Variants in RC3H1 observed in about 807,000 individuals in gnomAD.
The protein encoded by RC3H1 is ring finger and CCCH-type domains 1.
In RC3H1, 50 loss-of-function variants were observed where a neutral mutation model predicts 138.2. The ratio of observed to expected loss-of-function variants is 0.36; its 90% CI spans 0.29 to 0.46. The LOEUF is 0.46. RC3H1 is among the 20% of genes least tolerant of loss of function. RC3H1 has a pLI of 1.00. For synonymous variants in RC3H1, 462 were observed against 489.1 expected, an observed-to-expected ratio of 0.94 and a Z score of 0.73; for missense variants, 1,031 against 1,388.1, an observed-to-expected ratio of 0.74 and a Z score of 4.09.
chr1:174,019,752 G>C (rs1661924140), intron 1 of RC3H1, among the ~76,000 whole-genome samples: 2 of 151,996 alleles, frequency 1.3e-5, no homozygotes, highest in African/African-American at 2.4e-5. Flanking sequence ...TACTGAAGAA[G>C]GGACAGTTGA....
intron 14 of RC3H1, among the ~76,000 whole-genome samples, chr1:173,951,780 C>CT (rs1159326446): frequency 1.3e-5 from 2 of 152,034 alleles, no homozygotes; most frequent in African/African-American, 4.8e-5. Flanking sequence ...AATAAATGCT[C>CT]TGTCTCGGTA....
chr1:173,941,405 C>A, intron 18 of RC3H1, 25 bp from the exon 19 acceptor site: 2 of 1,425,478 alleles, frequency 1.4e-6, no homozygotes, highest in South Asian at 2.3e-5. Context: ...GAAATAAAAT[C>A]AGTTATCATC....
At chr1:173,968,277 A>G (rs12066153) in intron 9 of RC3H1, among the ~76,000 whole-genome samples, 62,699 of 152,088 alleles carry the variant, frequency 0.41, 17,689 homozygotes, top group African/African-American at 0.8. Context: ...TTCTTTACAA[A>G]TGAATTTTTG....
rs1327314101 is a variant in RC3H1 at position 173,937,866 on chromosome 1, C to T, written c.*855G>A. On this transcript the variant is annotated 3_prime_UTR_variant, in exon 20 of 20. Transcript: ENST00000367696. ...TTTCCAACCATGAGCTGAACGCAGG[C>T]GAAACACCAAACATGTATTTTCAGT... 2.6e-5 allele frequency: 4 copies of T among 152,202 alleles called. No homozygotes were observed. The highest frequency in any genetic ancestry group is 3.4e-3 in the Middle Eastern group (1 of 294). The allele number at this position is 152,202 out of a possible 1,614,324, so 9.4% of individuals were successfully genotyped here.
chr1:173,947,274 A>G lies in RC3H1; in HGVS notation c.2737+95T>C, dbSNP rs889468155. On this transcript the variant is annotated intron_variant, in intron 15 of 19. Transcript: ENST00000367696. Reference sequence around the variant, plus strand: ...AGTTTGAAAATTACTGCCTTGCAAGATTACTAAAAACACTGATAGTAAATG... The same window carrying G: ...AGTTTGAAAATTACTGCCTTGCAAGGTTACTAAAAACACTGATAGTAAATG... 8.4e-6 allele frequency: 7 copies of G among 835,042 alleles called. No individual in the cohort carries two copies. The African/African-American group carries it at 1.2e-4, about 14-fold the overall frequency. The allele number at this position is 835,042 out of a possible 1,614,324, so 51.7% of individuals were successfully genotyped here.
Position 173,958,524 on chromosome 1 carries a change from C to T in RC3H1, c.2370+2553G>A, listed in dbSNP as rs982284406. ...TCGCACCACTGCACTCCAGCCTGGG[C>T]GACAGAGCAAGACTCTGTCTCACAA... On this transcript the variant is annotated intron_variant, in intron 13 of 19. Coordinates refer to ENST00000367696, the MANE Select transcript of RC3H1 (RefSeq NM_172071.4). Among the ~76,000 whole-genome samples the T allele has an allele frequency of 5.3e-4, 80 of 150,658 alleles. 1 individual carries two copies. The highest frequency in any genetic ancestry group is 1.7e-3 in the African/African-American group (71 of 40,980).
rs1439164555 is a variant in RC3H1, at chr1:173,935,721, C to G, written c.*3000G>C. 1 of 151,854 alleles carries G rather than the reference C, an allele frequency of 6.6e-6. No homozygotes were observed. Among genetic ancestry groups the G allele is most frequent in the East Asian group, 1.9e-4 (1 of 5,196 alleles). 9.4% of individuals were successfully genotyped at this position (151,854 alleles called of 1,614,324 possible). A position where few individuals can be genotyped will look rare whatever the true frequency, so the allele number is the denominator to read the frequency against. On this transcript the variant is annotated 3_prime_UTR_variant, in exon 20 of 20. Transcript: ENST00000367696. ...CAGAGAAAAGGAAAAGGAAAAAAAG[C>G]AAAAAACAAAAAACAAATTTTGGGG...
intron 1 of RC3H1, among the ~76,000 whole-genome samples, chr1:173,998,663 T>G (rs1395008795): frequency 6.6e-6 from 1 of 152,208 alleles, no homozygotes; most frequent in Non-Finnish European, 1.5e-5. Context: ...CACTATTAAT[T>G]TATCCCAATG....
At chr1:173,948,809 C>T (rs1465812917) in intron 14 of RC3H1, among the ~76,000 whole-genome samples, 1 of 152,062 alleles carries the variant, frequency 6.6e-6, no homozygotes, top group South Asian at 2.1e-4. Context: ...TGGTCTTGAA[C>T]TCCTGGGCTC....
intron 7 of RC3H1, among the ~76,000 whole-genome samples, chr1:173,973,990 T>C (rs1203044490): frequency 2.0e-5 from 3 of 151,980 alleles, no homozygotes; most frequent in African/African-American, 4.8e-5. Flanking sequence ...TTAGATAATG[T>C]TGAATTCAAA....
At chr1:173,946,333 G>A in intron 17 of RC3H1, 143 bp downstream of exon 17, 1 of 588,250 alleles carries the variant, frequency 1.7e-6, no homozygotes, top group East Asian at 2.9e-5. Context: ...ATCCAGTATT[G>A]AATTCTTTGA....
chr1:173,999,146 T>TGGGAGGCTGAGGTTGGCA (rs1661513492), intron 1 of RC3H1, among the ~76,000 whole-genome samples: 1 of 151,358 alleles, frequency 6.6e-6, no homozygotes, highest in Non-Finnish European at 1.5e-5. Context: ...CCCAGGACTT[T>TGGGAGGCTGAGGTTGGCA]GGGAGGCTGA....
At chr1:174,017,929 T>C (rs12120395) in intron 1 of RC3H1, among the ~76,000 whole-genome samples, 8,170 of 151,952 alleles carry the variant, frequency 0.054, 320 homozygotes, top group Middle Eastern at 0.14. Context: ...CCAGTGTCAG[T>C]TTAAAACATT....
At chr1:173,995,246 A>G (rs1474810344) in intron 1 of RC3H1, among the ~76,000 whole-genome samples, 1 of 152,146 alleles carries the variant, frequency 6.6e-6, no homozygotes, top group Non-Finnish European at 1.5e-5. Context: ...AATATAGTAG[A>G]GATGAGGCCA....
chr1:173,996,345 C>T (rs576496514), intron 1 of RC3H1, among the ~76,000 whole-genome samples: 22 of 151,484 alleles, frequency 1.5e-4, no homozygotes, highest in Admixed American at 4.6e-4. Context: ...GGGAAAAGAA[C>T]CCTTACATAT....
chr1:173,946,827 G>A lies in RC3H1; in HGVS notation c.2747C>T (p.Pro916Leu), dbSNP rs374123399. The A allele has an allele frequency of 8.2e-5, 131 of 1,598,542 alleles. No individual in the cohort carries two copies. Among genetic ancestry groups the A allele is most frequent in the Admixed American group, 1.5e-4 (9 of 59,960 alleles). Residue 916 changes from proline to leucine, a missense_variant, in exon 16 of 20, where the codon CCA becomes CTA. Physicochemically the swap from Pro to Leu is moderately conservative, Grantham distance 98 (BLOSUM62 -3). Around this residue, in one of 7 missense-constraint regions of RC3H1, gnomAD observed 716 missense variants for 837.9 expected, o/e 0.85. Transcript: ENST00000367696. ...TKSINISDYS[P>L]YGTHGGWGAS... The stretch of plus-strand genomic sequence containing the variant: ...TCCCCAGCCACCGTGGGTTCCATAT[G>A]GACTATAATCTGTAAGAGAATGATT...
intron 1 of RC3H1, among the ~76,000 whole-genome samples, chr1:174,005,945 C>T (rs940630340): frequency 2.6e-5 from 4 of 152,154 alleles, no homozygotes; most frequent in African/African-American, 7.2e-5. Context: ...GTGGCTCATG[C>T]CTGTAATCCC....
chr1:173,970,150 G>A (rs548959639), intron 9 of RC3H1, among the ~76,000 whole-genome samples: 4 of 151,904 alleles, frequency 2.6e-5, no homozygotes, highest in Admixed American at 2.6e-4. Flanking sequence ...AGATGTCTTG[G>A]GGATAAGACC....
intron 2 of RC3H1, among the ~76,000 whole-genome samples, chr1:173,991,056 C>G (rs1030104544): frequency 6.6e-6 from 1 of 152,066 alleles, no homozygotes; most frequent in Non-Finnish European, 1.5e-5. Flanking sequence ...ATGGCGAAAC[C>G]CTGTCTCGAC....
Sources: allele counts gnomAD v4.1 joint callset (sites outside exome capture counted in the v4.1 genomes callset), GRCh38; gene constraint gnomAD v4.1.1; regional missense constraint gnomAD v4.1.1; transcripts MANE v1.5; gene names NCBI Gene and HGNC (gene_info 2026-07-23, HGNC 2026-07-21).